The following KAZN variants were observed in gnomAD, a reference collection of about 807,000 sequenced individuals.
KAZN encodes kazrin.
A neutral mutation model predicts 87.4 loss-of-function variants in KAZN; 40 were observed. The ratio of observed to expected loss-of-function variants is 0.46; its 90% CI spans 0.36 to 0.60. KAZN has a LOEUF of 0.60. Among genes scored for constraint, KAZN ranks in the 20% least tolerant of loss-of-function variants. The pLI is 0.00. For synonymous variants in KAZN, 466 were observed against 458.3 expected, an observed-to-expected ratio of 1.02 and a Z score of -0.22; for missense variants, 898 against 1,073.9, an observed-to-expected ratio of 0.84 and a Z score of 2.29.
chr1:13,983,158 C>T (rs533715333), intron 1 of KAZN, among the ~76,000 whole-genome samples: 4 of 152,376 alleles, frequency 2.6e-5, no homozygotes, highest in Admixed American at 6.5e-5. Flanking sequence ...CCGCGCCCTG[C>T]GCCTGCACTC....
At chr1:14,987,561 C>A (rs1486378512) in intron 2 of KAZN, among the ~76,000 whole-genome samples, 1 of 152,038 alleles carries the variant, frequency 6.6e-6, no homozygotes, top group African/African-American at 2.4e-5. Flanking sequence ...AGGAGGCCCC[C>A]GGAGCTCAGG....
intron 1 of KAZN, among the ~76,000 whole-genome samples, chr1:14,000,000 G>A (rs1639708566): frequency 6.6e-6 from 1 of 152,192 alleles, no homozygotes. Flanking sequence ...AAACCAGGAA[G>A]AGGTTGAATC....
chr1:14,775,612 T>C (rs1202456590), intron 1 of KAZN, among the ~76,000 whole-genome samples: 1 of 152,220 alleles, frequency 6.6e-6, no homozygotes. Flanking sequence ...GAGGGGAATA[T>C]GAGGACGTAA....
intron 1 of KAZN, among the ~76,000 whole-genome samples, chr1:14,899,109 T>C (rs954080859): frequency 6.6e-6 from 1 of 152,092 alleles, no homozygotes; most frequent in African/African-American, 2.4e-5. Flanking sequence ...CTGTGAGTCA[T>C]AAGAAGGGGC....
At position 14,114,830 on chromosome 1, in the gene KAZN, G is replaced by A. The variant is rs562243036; in HGVS notation, c.92-65605G>A. Among the ~76,000 whole-genome samples the A allele has an allele frequency of 9.8e-5, 15 of 152,304 alleles. No homozygotes were observed. The South Asian group carries it at 3.1e-3, about 32-fold the overall frequency. On this transcript the variant is annotated intron_variant, in intron 1 of 16. Coordinates refer to the KAZN transcript ENST00000636203. ...AGCCCTCTAACTCCATCCCCACAATGATTCCATAAGGCAGGTGCTGTTACC... is the reference window on the plus strand; with the variant it reads ...AGCCCTCTAACTCCATCCCCACAATAATTCCATAAGGCAGGTGCTGTTACC...
chr1:14,470,056 T>C (rs1307817921), intron 2 of KAZN, among the ~76,000 whole-genome samples: 2 of 152,208 alleles, frequency 1.3e-5, no homozygotes, highest in East Asian at 1.9e-4. Flanking sequence ...GCTGTTGTTA[T>C]TGACCATTTT....
At chr1:14,010,729 G>A (rs1640256216) in intron 1 of KAZN, among the ~76,000 whole-genome samples, 1 of 152,182 alleles carries the variant, frequency 6.6e-6, no homozygotes, top group Admixed American at 6.5e-5. Flanking sequence ...TACTCAGGGT[G>A]GACAACAATA....
chr1:13,977,880 C>T (rs1027370272), intron 1 of KAZN, among the ~76,000 whole-genome samples: 2 of 152,188 alleles, frequency 1.3e-5, no homozygotes, highest in African/African-American at 2.4e-5. Flanking sequence ...GTAATCCCAG[C>T]ACTTTGGGAG....
At chr1:14,263,476 A>G (rs553139557) in intron 2 of KAZN, among the ~76,000 whole-genome samples, 7 of 152,308 alleles carry the variant, frequency 4.6e-5, no homozygotes, top group Admixed American at 1.3e-4. Flanking sequence ...CAAACATATT[A>G]GTCTAATTTC....
intron 2 of KAZN, among the ~76,000 whole-genome samples, chr1:14,488,795 C>G (rs977422138): frequency 6.6e-6 from 1 of 152,156 alleles, no homozygotes; most frequent in Admixed American, 6.5e-5. Context: ...CCCGTTAGCC[C>G]TCTCCATCTG....
intron 2 of KAZN, among the ~76,000 whole-genome samples, chr1:14,512,784 A>G (rs1319739628): frequency 6.6e-6 from 1 of 152,124 alleles, no homozygotes; most frequent in Non-Finnish European, 1.5e-5. Context: ...CAAAGAGCAG[A>G]TTTTCTCATT....
chr1:14,764,983 G>A (rs1644848789), intron 1 of KAZN, among the ~76,000 whole-genome samples: 1 of 152,212 alleles, frequency 6.6e-6, no homozygotes, highest in African/African-American at 2.4e-5. Context: ...AACCAGGCTT[G>A]GAACCCAGTT....
At chr1:14,745,421 G>A (rs1457466511) in intron 1 of KAZN, among the ~76,000 whole-genome samples, 4 of 152,138 alleles carry the variant, frequency 2.6e-5, no homozygotes, top group Non-Finnish European at 4.4e-5. Context: ...TTTCTCTGCT[G>A]GTTGCAAAGC....
chr1:14,061,487 AC>A (rs70987717), intron 1 of KAZN, among the ~76,000 whole-genome samples: 26,326 of 152,178 alleles, frequency 0.17, 2,659 homozygotes, highest in Non-Finnish European at 0.23. Flanking sequence ...ATTGAATATG[AC>A]CCCGTAGAAC....
intron 2 of KAZN, among the ~76,000 whole-genome samples, chr1:14,570,100 G>A (rs1015440611): frequency 5.9e-5 from 9 of 152,064 alleles, no homozygotes; most frequent in Non-Finnish European, 1.0e-4. Flanking sequence ...GTGACAGAGC[G>A]AGACTCCGTC....
chr1:14,405,266 G>A (rs924549721), intron 2 of KAZN, among the ~76,000 whole-genome samples: 1 of 152,202 alleles, frequency 6.6e-6, no homozygotes, highest in African/African-American at 2.4e-5. Flanking sequence ...TATTGGGTAT[G>A]AGCCTGTTTG....
chr1:14,348,649 T>C (rs373942334), intron 2 of KAZN, among the ~76,000 whole-genome samples: 43 of 152,316 alleles, frequency 2.8e-4, no homozygotes, highest in African/African-American at 9.9e-4. Context: ...AAGAGGGGGA[T>C]AGTTCACATT....
chr1:14,747,795 C>G (rs905960478), intron 1 of KAZN, among the ~76,000 whole-genome samples: 2 of 152,224 alleles, frequency 1.3e-5, no homozygotes, highest in Admixed American at 6.5e-5. Context: ...GTGTTTTCCA[C>G]AGCGGCTGCA....
chr1:14,249,868 G>GAA (rs111284230), intron 2 of KAZN, among the ~76,000 whole-genome samples: 15 of 146,712 alleles, frequency 1.0e-4, no homozygotes, highest in African/African-American at 3.5e-4. Context: ...AATACTAAGT[G>GAA]AAAAAAAAAA....
Sources: allele counts gnomAD v4.1 joint callset (sites outside exome capture counted in the v4.1 genomes callset), GRCh38; gene constraint gnomAD v4.1.1; transcripts MANE v1.5; gene names NCBI Gene and HGNC (gene_info 2026-07-23, HGNC 2026-07-21).